The following DLG2 variants were observed in gnomAD, a reference collection of about 807,000 sequenced individuals.
DLG2 encodes the protein discs large MAGUK scaffold protein 2, also known as disks large homolog 2.
A neutral mutation model predicts 132.5 loss-of-function variants in DLG2; 45 were observed. The ratio of observed to expected loss-of-function variants is 0.34; its 90% CI spans 0.27 to 0.44. The LOEUF is 0.44. DLG2 is among the 20% of genes least tolerant of loss of function. The pLI is 1.00. For missense variants in DLG2, 1,045 were observed against 1,196.9 expected, an observed-to-expected ratio of 0.87 and a Z score of 1.87; for synonymous variants, 424 against 419.6, an observed-to-expected ratio of 1.01 and a Z score of -0.13.
At chr11:84,638,973 C>A (rs2099646448) in intron 6 of DLG2, among the ~76,000 whole-genome samples, 1 of 152,132 alleles carries the variant, frequency 6.6e-6, no homozygotes, top group Non-Finnish European at 1.5e-5. Flanking sequence ...TCTGGGATAC[C>A]CAATCTGAGG....
At chr11:83,990,299 G>T (rs2514171) in intron 11 of DLG2, among the ~76,000 whole-genome samples, 2 of 152,150 alleles carry the variant, frequency 1.3e-5, no homozygotes, top group East Asian at 3.9e-4. Context: ...ATCAATTATA[G>T]AAAGCTGGGT....
chr11:83,467,285 G>A (rs565166970), intron 25 of DLG2, among the ~76,000 whole-genome samples: 2 of 152,250 alleles, frequency 1.3e-5, no homozygotes, highest in Admixed American at 1.3e-4. Flanking sequence ...ACCCAAGTCT[G>A]GAGCACTAAC....
At chr11:84,598,710 G>T (rs1321342706) in intron 6 of DLG2, among the ~76,000 whole-genome samples, 2 of 151,536 alleles carry the variant, frequency 1.3e-5, no homozygotes, top group Admixed American at 6.6e-5. Context: ...AGGATTGCTT[G>T]AGCCCAGTAA....
chr11:85,462,624 G>A (rs2092653144), intron 3 of DLG2, among the ~76,000 whole-genome samples: 1 of 152,004 alleles, frequency 6.6e-6, no homozygotes, highest in South Asian at 2.1e-4. Context: ...ACACAGGAAG[G>A]GGAACATCAC....
In DLG2 at chr11:84,699,875, G is replaced by C. The variant is rs191794621; in HGVS notation, c.358-165144C>G. Among the ~76,000 whole-genome samples, 114 of 151,726 alleles carry C rather than the reference G, an allele frequency of 7.5e-4. 2 individuals carry two copies. The Middle Eastern group carries it at 0.01, about 14-fold the overall frequency. ...TGAAAGCAGTAAACAGGCTATGTTT[G>C]GGAAAGTGCATGACCTGAGTCTCAA... On this transcript the variant is annotated intron_variant, in intron 6 of 27. Coordinates refer to ENST00000376104, the MANE Select transcript of DLG2 (RefSeq NM_001142699.3).
chr11:84,774,535 C>T (rs2070064083), intron 6 of DLG2, among the ~76,000 whole-genome samples: 1 of 152,244 alleles, frequency 6.6e-6, no homozygotes, highest in Non-Finnish European at 1.5e-5. Context: ...ATTGCATCAC[C>T]TGACTTCAAA....
chr11:83,745,815 T>A (rs559434613), intron 18 of DLG2, among the ~76,000 whole-genome samples: 25 of 150,746 alleles, frequency 1.7e-4, no homozygotes, highest in Admixed American at 6.0e-4. Context: ...AAAAAAAAAA[T>A]TTTTGCAATC....
Position 84,727,477 on chromosome 11 carries a change from T to C in DLG2, c.358-192746A>G, listed in dbSNP as rs138082210. ...TATATCTGTTTTGCTTCCAGTACCA[T>C]GCTGTTTTGGTTACTGTAGCCTTGT... On this transcript the variant is annotated intron_variant, in intron 6 of 27. Coordinates refer to ENST00000376104, the MANE Select transcript of DLG2 (RefSeq NM_001142699.3). Among the ~76,000 whole-genome samples the C allele has an allele frequency of 7.3e-3, 1,116 of 152,316 alleles. 5 individuals are homozygous for C. Among genetic ancestry groups the C allele is most frequent in the Non-Finnish European group, 0.011 (778 of 68,034 alleles).
intron 6 of DLG2, among the ~76,000 whole-genome samples, chr11:84,709,169 A>C (rs2153752902): frequency 6.6e-6 from 1 of 152,064 alleles, no homozygotes; most frequent in Admixed American, 6.6e-5. Context: ...TATATTAATA[A>C]TATGCTAGAG....
At chr11:84,593,431 T>C (rs1288964763) in intron 6 of DLG2, among the ~76,000 whole-genome samples, 1 of 152,084 alleles carries the variant, frequency 6.6e-6, no homozygotes, top group Non-Finnish European at 1.5e-5. Flanking sequence ...AAAGAAAATG[T>C]GCACATATAC....
At chr11:85,096,199 A>T (rs1594101610) in intron 6 of DLG2, among the ~76,000 whole-genome samples, 1 of 152,204 alleles carries the variant, frequency 6.6e-6, no homozygotes, top group East Asian at 1.9e-4. Flanking sequence ...AGGGAATAAA[A>T]GCTGGCCACC....
At chr11:84,238,861 A>G (rs1291684570) in intron 8 of DLG2, among the ~76,000 whole-genome samples, 1 of 152,130 alleles carries the variant, frequency 6.6e-6, no homozygotes, top group South Asian at 2.1e-4. Context: ...TCTTTCAAAT[A>G]TATATTTGAG....
At chr11:83,811,066 G>A (rs932482921) in intron 17 of DLG2, among the ~76,000 whole-genome samples, 5 of 148,730 alleles carry the variant, frequency 3.4e-5, no homozygotes, top group Admixed American at 6.6e-5. Context: ...AAAGAGTGTG[G>A]GTTTTGTCCA....
intron 6 of DLG2, among the ~76,000 whole-genome samples, chr11:84,998,603 T>C (rs2057907704): frequency 6.6e-6 from 1 of 152,178 alleles, no homozygotes; most frequent in Admixed American, 6.6e-5. Flanking sequence ...GGTGGTATCA[T>C]GGTTGTTGAT....
At chr11:85,486,435 T>C (rs2093431199) in intron 3 of DLG2, among the ~76,000 whole-genome samples, 1 of 152,150 alleles carries the variant, frequency 6.6e-6, no homozygotes, top group Non-Finnish European at 1.5e-5. Flanking sequence ...AGCCAGTGCC[T>C]AAACACACTA....
chr11:84,408,337 TTATATATA>T (rs34156590), intron 7 of DLG2, among the ~76,000 whole-genome samples: 1 of 148,318 alleles, frequency 6.7e-6, no homozygotes, highest in Admixed American at 6.8e-5. Context: ...CTTGCACATG[TTATATATA>T]TATATATATA....
At chr11:84,909,534 T>C (rs1233738941) in intron 6 of DLG2, among the ~76,000 whole-genome samples, 2 of 152,164 alleles carry the variant, frequency 1.3e-5, no homozygotes, top group Admixed American at 6.5e-5. Flanking sequence ...ATTAAGAAAT[T>C]TCTAGCATGC....
At chr11:83,957,757 T>A (rs1278094788) in intron 14 of DLG2, among the ~76,000 whole-genome samples, 1 of 152,176 alleles carries the variant, frequency 6.6e-6, no homozygotes, top group Non-Finnish European at 1.5e-5. Context: ...GGACTTTATG[T>A]TGCAGGAACA....
chr11:84,704,914 A>T (rs1233339664), intron 6 of DLG2, among the ~76,000 whole-genome samples: 2 of 148,834 alleles, frequency 1.3e-5, no homozygotes, highest in East Asian at 3.9e-4. Flanking sequence ...ATATATATAC[A>T]TTATGTATAT....
Sources: gnomAD v4.1 joint callset for allele counts (sites outside exome capture counted in the v4.1 genomes callset) on GRCh38, gnomAD v4.1.1 for gene constraint, MANE v1.5 for transcripts, NCBI Gene and HGNC (gene_info 2026-07-23, HGNC 2026-07-21) for gene names.